SERPINB8: variants seen among roughly 807,000 people sequenced by gnomAD.
SERPINB8 encodes serpin B8.
In SERPINB8, 25 loss-of-function variants were observed where a neutral mutation model predicts 35.3. That is an observed-to-expected ratio of 0.71 (90% CI 0.52 to 0.99). The LOEUF is 0.99. SERPINB8 is among the 50% of genes least tolerant of loss of function. The probability of loss-of-function intolerance (pLI) is 0.00; values close to 1 mark genes in which losing one functional copy is unlikely to be tolerated. For synonymous variants in SERPINB8, 186 were observed against 160.8 expected, an observed-to-expected ratio of 1.16 and a Z score of -1.19; for missense variants, 484 against 446.5, an observed-to-expected ratio of 1.08 and a Z score of -0.76.
downstream of SERPINB8, among the ~76,000 whole-genome samples, chr18:64,008,542 C>T (rs1234860596): frequency 6.6e-6 from 1 of 151,984 alleles, no homozygotes; most frequent in African/African-American, 2.4e-5. Flanking sequence ...AGCCACCATG[C>T]CTGGCCCATT....
At chr18:63,998,450 C>G (rs1053277867) in intron 1 of SERPINB8, among the ~76,000 whole-genome samples, 1 of 152,104 alleles carries the variant, frequency 6.6e-6, no homozygotes, top group African/African-American at 2.4e-5. Flanking sequence ...CAGCAATGAT[C>G]GCATATTTTA....
downstream of SERPINB8, among the ~76,000 whole-genome samples, chr18:64,008,860 G>A (rs2050912749): frequency 6.6e-6 from 1 of 152,092 alleles, no homozygotes; most frequent in African/African-American, 2.4e-5. Context: ...CTCGTAGAAG[G>A]GTGAATTAAC....
rs181127369 is a variant in SERPINB8 at position 63,972,893 on chromosome 18, A to T, written c.-11+2723A>T. Among the ~76,000 whole-genome samples the T allele has an allele frequency of 5.3e-3, 809 of 152,252 alleles. 9 individuals carry two copies. The highest frequency in any genetic ancestry group is 0.018 in the African/African-American group (731 of 41,528). On this transcript the variant is annotated intron_variant, in intron 1 of 6. Coordinates refer to ENST00000397985, the MANE Select transcript of SERPINB8 (RefSeq NM_002640.4). ...ATTTTCTTAATCCAGTCTATCATTG[A>T]TGGACATTTGGGTTGGTTCCAAGTC...
intron 1 of SERPINB8, among the ~76,000 whole-genome samples, chr18:63,998,885 G>A (rs2050862045): frequency 6.6e-6 from 1 of 152,166 alleles, no homozygotes; most frequent in South Asian, 2.1e-4. Flanking sequence ...TGGCCCTGCT[G>A]CTTTACTCCG....
In SERPINB8 at chr18:63,984,530, C is replaced by T. The variant is rs182920050; in HGVS notation, c.568-563C>T. Among the ~76,000 whole-genome samples, 170 of 152,232 alleles carry T rather than the reference C, an allele frequency of 1.1e-3. 1 individual carries two copies. Among genetic ancestry groups the T allele is most frequent in the African/African-American group, 3.9e-3 (162 of 41,536 alleles). On this transcript the variant is annotated intron_variant, in intron 5 of 6. Coordinates refer to ENST00000397985, the MANE Select transcript of SERPINB8 (RefSeq NM_002640.4). ...TAGTTGTTAGCTTGGGATTTGACAT[C>T]CATCAAATATGATACTCTCATATTG...
intron 4 of SERPINB8, among the ~76,000 whole-genome samples, chr18:63,982,316 A>C (rs561817246): frequency 1.3e-5 from 2 of 152,026 alleles, no homozygotes; most frequent in South Asian, 4.2e-4. Context: ...GCCTTTTCTG[A>C]ATTTGTTCCC....
chr18:64,007,549 C>T (rs2050905805), downstream of SERPINB8, among the ~76,000 whole-genome samples: 1 of 152,096 alleles, frequency 6.6e-6, no homozygotes. Flanking sequence ...CTGAGACTGG[C>T]AATTTATAAA....
chr18:63,970,148 G>GGCGGCGGCA lies in SERPINB8; in HGVS notation c.-31_-30insGGCGGCAGC, dbSNP rs755147686. ...AAGCAGCAGCGGCGGCGGCGGCGGC[G>GGCGGCGGCA]GCAGCAGCAGCAGCAGCAGGAGGTG... On this transcript the variant is annotated 5_prime_UTR_variant, in exon 1 of 7. Coordinates refer to ENST00000397985, the MANE Select transcript of SERPINB8 (RefSeq NM_002640.4). The GGCGGCGGCA allele has an allele frequency of 5.5e-4, 196 of 358,810 alleles. 11 individuals are homozygous for GGCGGCGGCA. Among genetic ancestry groups the GGCGGCGGCA allele is most frequent in the African/African-American group, 2.3e-3 (103 of 44,852 alleles). The allele number at this position is 358,810 out of a possible 1,614,324, so 22.2% of individuals were successfully genotyped here.
At chr18:63,974,143 AT>A (rs1410265591) in intron 1 of SERPINB8, among the ~76,000 whole-genome samples, 5 of 152,018 alleles carry the variant, frequency 3.3e-5, no homozygotes, top group Non-Finnish European at 7.4e-5. Context: ...TTTTCTTCTT[AT>A]TATTTATTTA....
intron 1 of SERPINB8, 122 bp downstream of exon 1, chr18:63,970,292 G>C (rs1391803761): frequency 1.2e-5 from 2 of 171,612 alleles, no homozygotes; most frequent in African/African-American, 2.4e-5. Flanking sequence ...GCAGGAATCA[G>C]AGCGAGGCAA....
rs550818999 is a variant in SERPINB8, at chr18:63,985,087, C to T, written c.568-6C>T. The T allele has an allele frequency of 5.3e-5, 86 of 1,611,348 alleles. No homozygotes were observed. In the East Asian group the frequency reaches 1.1e-3, roughly 20 times the overall value. ...TTCAGTAATCGAACTTTAATTTTTC[C>T]GTTAGGAAAAAAAGACAGTGCAGAT... On this transcript the variant is annotated splice_region_variant and splice_polypyrimidine_tract_variant and intron_variant, in intron 5 of 6. Coordinates refer to ENST00000397985, the MANE Select transcript of SERPINB8 (RefSeq NM_002640.4).
At chr18:63,999,508 C>T (rs1444032469) in intron 1 of SERPINB8, among the ~76,000 whole-genome samples, 2 of 152,048 alleles carry the variant, frequency 1.3e-5, no homozygotes, top group African/African-American at 4.8e-5. Context: ...ATGGTGGTGA[C>T]CTTCTCCTCT....
chr18:63,986,616 G>A, intron 6 of SERPINB8: 1 of 1,320,014 alleles, frequency 7.6e-7, no homozygotes, highest in Non-Finnish European at 9.6e-7. Context: ...AAGGAGTTAG[G>A]TACAAATTGT....
downstream of SERPINB8, among the ~76,000 whole-genome samples, chr18:63,989,952 A>C (rs917113049): frequency 1.7e-4 from 26 of 149,034 alleles, no homozygotes; most frequent in African/African-American, 6.1e-4. Context: ...CAAAAAAAAA[A>C]AAAAAAAAAA....
At chr18:63,984,475 C>T (rs2144815471) in intron 5 of SERPINB8, among the ~76,000 whole-genome samples, 1 of 152,296 alleles carries the variant, frequency 6.6e-6, no homozygotes, top group African/African-American at 2.4e-5. Context: ...CTTTACCTTC[C>T]CTTTTGAATA....
intron 3 of SERPINB8, among the ~76,000 whole-genome samples, chr18:63,981,094 C>T (rs1425773083): frequency 6.6e-6 from 1 of 152,262 alleles, no homozygotes; most frequent in Non-Finnish European, 1.5e-5. Context: ...CTCACATGTA[C>T]ACATGTGCAC....
downstream of SERPINB8, among the ~76,000 whole-genome samples, chr18:64,007,777 A>G (rs2050907155): frequency 6.6e-6 from 1 of 152,150 alleles, no homozygotes; most frequent in African/African-American, 2.4e-5. Context: ...CAGCACCAAG[A>G]AGGAAATCTG....
chr18:63,980,713 G>A (rs552376378), intron 3 of SERPINB8, among the ~76,000 whole-genome samples: 3 of 152,298 alleles, frequency 2.0e-5, no homozygotes, highest in African/African-American at 7.2e-5. Flanking sequence ...ACATCAGCCT[G>A]ATCTACTACT....
At chr18:64,007,736 T>C (rs577132385), downstream of SERPINB8, among the ~76,000 whole-genome samples, 3 of 152,168 alleles carry the variant, frequency 2.0e-5, no homozygotes, top group East Asian at 5.8e-4. Context: ...TACAATCAGA[T>C]CTCATGGTAA....
Sources: gnomAD v4.1 joint callset for allele counts (sites outside exome capture counted in the v4.1 genomes callset) on GRCh38, gnomAD v4.1.1 for gene constraint, MANE v1.5 for transcripts, NCBI Gene and HGNC (gene_info 2026-07-23, HGNC 2026-07-21) for gene names.